Variants in MAP1B observed in about 807,000 individuals in gnomAD.
The protein encoded by MAP1B is microtubule-associated protein 1B.
Under a neutral mutation model 176.1 loss-of-function variants are expected in MAP1B, and 12 were observed. The observed-to-expected ratio is 0.07, with a 90% confidence interval of 0.04 to 0.11. The LOEUF (loss-of-function observed/expected upper bound fraction) is 0.11, where lower values mean the gene tolerates loss of function less well. Among genes scored for constraint, MAP1B ranks in the 10% least tolerant of loss-of-function variants. MAP1B has a pLI of 1.00. For synonymous variants in MAP1B, 1,044 were observed against 1,135.0 expected (o/e 0.92, Z 1.61); for missense variants, 2,523 against 2,990.5 (o/e 0.84, Z 3.65).
intron 2 of MAP1B, among the ~76,000 whole-genome samples, chr5:72,148,701 AAGG>A: frequency 6.6e-6 from 1 of 152,362 alleles, no homozygotes; most frequent in African/African-American, 2.4e-5. Flanking sequence ...CAGGAACGGG[AAGG>A]AGGTGTGTTT....
At chr5:72,118,868 A>T (rs1055246829) in intron 2 of MAP1B, among the ~76,000 whole-genome samples, 3 of 152,186 alleles carry the variant, frequency 2.0e-5, no homozygotes, top group Admixed American at 6.5e-5. Context: ...GTTGGTTATG[A>T]TAGCTTTTGT....
chr5:72,135,319 AC>A (rs971013632), intron 2 of MAP1B, among the ~76,000 whole-genome samples: 1 of 151,966 alleles, frequency 6.6e-6, no homozygotes, highest in African/African-American at 2.4e-5. Context: ...ATTGTTTTTC[AC>A]CTCTAAAAAT....
chr5:72,108,809 C>T (rs1293456594), intron 1 of MAP1B, among the ~76,000 whole-genome samples: 1 of 152,160 alleles, frequency 6.6e-6, no homozygotes, highest in Admixed American at 6.5e-5. Context: ...CCCTGGGAGT[C>T]CCTGGGTGGG....
intron 2 of MAP1B, among the ~76,000 whole-genome samples, chr5:72,138,171 A>G (rs887099723): frequency 2.6e-5 from 4 of 152,242 alleles, no homozygotes; most frequent in African/African-American, 9.6e-5. Flanking sequence ...TTAACATTTC[A>G]GTAGAAAAAT....
At chr5:72,200,439 C>T (rs1747307673) in intron 5 of MAP1B, 72 bp downstream of exon 5, 1 of 1,539,318 alleles carries the variant, frequency 6.5e-7, no homozygotes, top group East Asian at 2.2e-5. Flanking sequence ...TTTATATTTC[C>T]CTGTTTGGCT....
chr5:72,110,455 A>G (rs930189433), intron 1 of MAP1B, among the ~76,000 whole-genome samples: 45 of 152,308 alleles, frequency 3.0e-4, no homozygotes, highest in African/African-American at 1.1e-3. Context: ...CGCTAAGTGA[A>G]AATCCTGCTC....
chr5:72,151,062 T>C (rs1746130994), intron 2 of MAP1B, among the ~76,000 whole-genome samples: 1 of 152,102 alleles, frequency 6.6e-6, no homozygotes, highest in East Asian at 1.9e-4. Context: ...GTTTGGCTCA[T>C]GGATCTGCAG....
intron 2 of MAP1B, among the ~76,000 whole-genome samples, chr5:72,175,238 T>C (rs1009911951): frequency 1.1e-4 from 17 of 151,918 alleles, no homozygotes; most frequent in African/African-American, 3.9e-4. Flanking sequence ...CGAATTTTTG[T>C]ATTTTTTGTA....
At chr5:72,151,035 A>C (rs965882680) in intron 2 of MAP1B, among the ~76,000 whole-genome samples, 2 of 129,898 alleles carry the variant, frequency 1.5e-5, no homozygotes, top group African/African-American at 6.5e-5. Context: ...TGGATTGTTT[A>C]TGTAAAAAAA....
intron 2 of MAP1B, among the ~76,000 whole-genome samples, chr5:72,123,884 A>G (rs6880726): frequency 1 from 152,233 of 152,290 alleles, 76,088 homozygotes; most frequent in Middle Eastern, 1. Context: ...TCCTGCCCCC[A>G]CTTCCCAAAG....
intron 2 of MAP1B, among the ~76,000 whole-genome samples, chr5:72,118,201 G>A (rs1745466368): frequency 6.6e-6 from 1 of 152,118 alleles, no homozygotes; most frequent in Non-Finnish European, 1.5e-5. Context: ...TTTTGAGACA[G>A]GGTCTCACTA....
intron 2 of MAP1B, among the ~76,000 whole-genome samples, chr5:72,164,554 T>C (rs1048886324): frequency 6.6e-6 from 1 of 152,190 alleles, no homozygotes; most frequent in Non-Finnish European, 1.5e-5. Flanking sequence ...CCAACTCATC[T>C]CTTTGCTGGT....
chr5:72,173,209 C>T (rs566008923), intron 2 of MAP1B, among the ~76,000 whole-genome samples: 2 of 152,242 alleles, frequency 1.3e-5, no homozygotes, highest in South Asian at 2.1e-4. Context: ...CTTATTCAGC[C>T]CTTTATGCAA....
chr5:72,163,622 A>T (rs1746367169), intron 2 of MAP1B, among the ~76,000 whole-genome samples: 1 of 152,160 alleles, frequency 6.6e-6, no homozygotes, highest in Non-Finnish European at 1.5e-5. Context: ...TAAAGTATGG[A>T]TATAGGAAGG....
intron 1 of MAP1B, among the ~76,000 whole-genome samples, chr5:72,113,443 C>G (rs1745378527): frequency 6.6e-6 from 1 of 152,102 alleles, no homozygotes; most frequent in African/African-American, 2.4e-5. Flanking sequence ...AGTACTTTTT[C>G]TATTGCTAAA....
intron 4 of MAP1B, among the ~76,000 whole-genome samples, chr5:72,190,000 G>A (rs1263376200): frequency 6.6e-6 from 1 of 152,210 alleles, no homozygotes; most frequent in African/African-American, 2.4e-5. Flanking sequence ...AGGCCAAGAG[G>A]AAGGAGCCAG....
At position 72,139,526 on chromosome 5, in the gene MAP1B, C is replaced by T. The variant is rs139857745; in HGVS notation, c.286+23727C>T. On this transcript the variant is annotated intron_variant, in intron 2 of 6. Transcript: ENST00000296755. ...AAGTCTCCGGGGTGTCTGGCCAATG[C>T]TGAAGCAGATTGAGGCTCCTTTTGG... Among the ~76,000 whole-genome samples, 1,289 of 152,286 alleles carry T rather than the reference C, an allele frequency of 8.5e-3. 8 individuals are homozygous for T. The highest frequency in any genetic ancestry group is 0.011 in the Non-Finnish European group (735 of 68,032).
At chr5:72,157,549 C>G (rs1746249439) in intron 2 of MAP1B, among the ~76,000 whole-genome samples, 1 of 152,190 alleles carries the variant, frequency 6.6e-6, no homozygotes, top group African/African-American at 2.4e-5. Context: ...CTTCCCCACC[C>G]TCCCTGGGGA....
At chr5:72,183,468 G>T (rs542534370) in intron 2 of MAP1B, among the ~76,000 whole-genome samples, 1 of 152,214 alleles carries the variant, frequency 6.6e-6, no homozygotes, top group Non-Finnish European at 1.5e-5. Context: ...CGCCATTACC[G>T]CAAGGAGGCT....
Sources: allele counts gnomAD v4.1 joint callset (sites outside exome capture counted in the v4.1 genomes callset), GRCh38; gene constraint gnomAD v4.1.1; transcripts MANE v1.5; gene names NCBI Gene and HGNC (gene_info 2026-07-23, HGNC 2026-07-21).